Variants in ZNF442 observed in about 807,000 individuals in gnomAD.
ZNF442 encodes the protein zinc finger protein 442.
In ZNF442, 45 loss-of-function variants were observed where a neutral mutation model predicts 57.0. That is an observed-to-expected ratio of 0.79 (90% confidence interval 0.62 to 1.01). The LOEUF is 1.01. ZNF442 is among the 50% of genes least tolerant of loss of function. ZNF442 has a pLI of 0.00. For missense variants in ZNF442, 690 were observed against 756.5 expected (o/e 0.91, Z 1.03); for synonymous variants, 213 against 241.8 (o/e 0.88, Z 1.10).
chr19:12,364,471 A>G (rs1372306812), intron 2 of ZNF442, among the ~76,000 whole-genome samples: 1 of 152,004 alleles, frequency 6.6e-6, no homozygotes, highest in African/African-American at 2.4e-5. Context: ...AACAAAATGA[A>G]AATTAAAATA....
chr19:12,359,851 G>A lies in ZNF442; in HGVS notation c.78+3703C>T, dbSNP rs756959013. On this transcript the variant is annotated intron_variant, in intron 3 of 5. Transcript: ENST00000242804. ...AAATTAGCCGGGCGTAGTGGCATGCGCCTGTAGTCTCAGCTACTCGGGAGG... is the reference window on the plus strand; with the variant it reads ...AAATTAGCCGGGCGTAGTGGCATGCACCTGTAGTCTCAGCTACTCGGGAGG... 2.6e-5 allele frequency among the ~76,000 whole-genome samples: 4 copies of A among 152,034 alleles called. No homozygotes were observed. The Middle Eastern group carries it at 0.01, about 388-fold the overall frequency.
In ZNF442 at chr19:12,349,916, T is replaced by G; in HGVS notation, c.1669A>C (p.Thr557Pro). The G allele has an allele frequency of 1.2e-6, 2 of 1,614,222 alleles. No individual in the cohort carries two copies. Among genetic ancestry groups the G allele is most frequent in the Non-Finnish European group, 8.5e-7 (1 of 1,180,026 alleles). ...KECRKAFSWLTCLLRHERIHT... is the reference protein window; with the variant it reads ...KECRKAFSWLPCLLRHERIHT... ...ATTCTTTCATGTCGCAGAAGGCAAG[T>G]GAGCCAAGAGAATGCTTTCCTGCAT... Residue 557 changes from threonine to proline, a missense_variant, in exon 6 of 6, where the codon ACT (threonine) becomes CCT (proline). Coordinates refer to ENST00000242804, the MANE Select transcript of ZNF442 (RefSeq NM_030824.3).
chr19:12,349,999 C>A lies in ZNF442; in HGVS notation c.1586G>T (p.Gly529Val). 1 of 1,613,830 alleles carries A rather than the reference C, an allele frequency of 6.2e-7. No homozygotes were observed. Among genetic ancestry groups the A allele is most frequent in the Non-Finnish European group, 8.5e-7 (1 of 1,179,960 alleles). ...AATCCTTTCATGGACTTTTAAGTTA[C>A]CAAAATGACTGAAGGCTTTCTTACA... ...KTCKKAFSHF[G>V]NLKVHERIHT... The change falls in exon 6 of 6, where the codon GGT becomes GTT. Residue 529 changes from glycine (G) to valine (V), a missense_variant. Physicochemically the swap from Gly to Val is moderately radical, Grantham distance 109 (BLOSUM62 -3). Coordinates refer to ENST00000242804, the MANE Select transcript of ZNF442 (RefSeq NM_030824.3).
rs1969304104 is a variant in ZNF442 at position 12,355,074 on chromosome 19, G to A, written c.79-1960C>T. 2.6e-5 allele frequency among the ~76,000 whole-genome samples: 4 copies of A among 151,958 alleles called. No individual in the cohort carries two copies. In the East Asian group the frequency reaches 5.9e-4, roughly 22 times the overall value. ...TGGAAGGTTGAGGCAGGCAGATCAC[G>A]AGGTCAGGAGATCGAGACCATCCTG... On this transcript the variant is annotated intron_variant, in intron 3 of 5. Transcript: ENST00000242804.
intron 3 of ZNF442, among the ~76,000 whole-genome samples, chr19:12,355,037 A>T (rs1402277148): frequency 1.3e-5 from 2 of 152,098 alleles, no homozygotes; most frequent in Non-Finnish European, 2.9e-5. Flanking sequence ...CACGCCTGTA[A>T]TCCTAGCACT....
At chr19:12,368,332 A>G (rs1420640851), upstream of ZNF442, among the ~76,000 whole-genome samples, 1 of 152,232 alleles carries the variant, frequency 6.6e-6, no homozygotes, top group African/African-American at 2.4e-5. Flanking sequence ...TTTGGGAACT[A>G]ATAAATGTCC....
chr19:12,362,496 C>T (rs1375288044), intron 3 of ZNF442, among the ~76,000 whole-genome samples: 1 of 151,704 alleles, frequency 6.6e-6, no homozygotes, highest in African/African-American at 2.4e-5. Flanking sequence ...GCCGCCCCGT[C>T]TGGGAAGTGA....
At chr19:12,352,900 T>A in intron 4 of ZNF442, 88 bp downstream of exon 4, 1 of 1,503,650 alleles carries the variant, frequency 6.7e-7, no homozygotes, top group Non-Finnish European at 9.0e-7. Context: ...CTATATCCCC[T>A]TTCGGTATTT....
upstream of ZNF442, among the ~76,000 whole-genome samples, chr19:12,369,169 AG>A (rs1262586799): frequency 6.6e-6 from 1 of 151,880 alleles, no homozygotes; most frequent in African/African-American, 2.4e-5. Context: ...AAGGGGTCAG[AG>A]TCAGCTCTTG....
Position 12,346,268 on chromosome 19 carries a change from A to C in ZNF442, c.*3433T>G, listed in dbSNP as rs1055594249. 4.6e-5 allele frequency: 7 copies of C among 152,216 alleles called. No homozygotes were observed. Among genetic ancestry groups the C allele is most frequent in the African/African-American group, 1.4e-4 (6 of 41,468 alleles). 9.4% of individuals were successfully genotyped at this position (152,216 alleles called of 1,614,324 possible). A position where few individuals can be genotyped will look rare whatever the true frequency, so the allele number is the denominator to read the frequency against. On this transcript the variant is annotated 3_prime_UTR_variant, in exon 6 of 6. Coordinates refer to ENST00000242804, the MANE Select transcript of ZNF442 (RefSeq NM_030824.3). ...TCAACAACAAAACACAAATGACTCA[A>C]TTTTAATGAGCAAAGGATTTTAAAA...
At position 12,350,110 on chromosome 19, in the gene ZNF442, T is replaced by C; in HGVS notation, c.1475A>G (p.Glu492Gly). The C allele has an allele frequency of 6.2e-7, 1 of 1,614,026 alleles. No individual in the cohort carries two copies. Among genetic ancestry groups the C allele is most frequent in the Non-Finnish European group, 8.5e-7 (1 of 1,179,962 alleles). ...HTGEKPYECK[E>G]CGKAFSCFTY... ...GAAACAACTGAATGCTTTCCCACAT[T>C]CCTTACACTCATATGGCTTCTCTCC... Residue 492 changes from glutamate (E) to glycine (G), a missense_variant, in exon 6 of 6, where the codon GAA becomes GGA. By Grantham distance (98) the Glu-to-Gly change is moderately conservative (BLOSUM62 -2). Transcript: ENST00000242804.
At chr19:12,359,531 C>A (rs1250810813) in intron 3 of ZNF442, among the ~76,000 whole-genome samples, 1 of 152,100 alleles carries the variant, frequency 6.6e-6, no homozygotes, top group East Asian at 1.9e-4. Flanking sequence ...TCATACTGAA[C>A]AAAATACATC....
chr19:12,371,541 TG>T, the ZNF442 span, among the ~76,000 whole-genome samples: 1 of 152,364 alleles, frequency 6.6e-6, no homozygotes, highest in African/African-American at 2.4e-5. Flanking sequence ...AGTTCATTAC[TG>T]TGTTGATTTA....
chr19:12,352,641 T>C (rs1161543142), intron 4 of ZNF442, among the ~76,000 whole-genome samples: 2 of 152,236 alleles, frequency 1.3e-5, no homozygotes, highest in Non-Finnish European at 2.9e-5. Context: ...CATTTCAACT[T>C]AATGCACAGT....
intron 5 of ZNF442, 86 bp downstream of exon 5, chr19:12,351,924 C>T (rs1969244959): frequency 8.0e-7 from 1 of 1,257,428 alleles, no homozygotes; most frequent in African/African-American, 1.5e-5. Context: ...TGGGCTCGTT[C>T]ATTTTCTTTG....
intron 3 of ZNF442, 44 bp downstream of exon 3, chr19:12,363,510 G>A (rs1383508798): frequency 1.3e-6 from 2 of 1,589,694 alleles, no homozygotes; most frequent in Non-Finnish European, 1.7e-6. Context: ...ACCTGAATGG[G>A]AGGTTCTTGC....
chr19:12,363,647 G>A lies in ZNF442; in HGVS notation c.-16C>T, dbSNP rs200533357. ...ATACAATCATTCAACTGGCTGACCA[G>A]CCGTGTGTCCCCAAGGAATGGAAAC... On this transcript the variant is annotated 5_prime_UTR_variant, in exon 3 of 6. Coordinates refer to ENST00000242804, the MANE Select transcript of ZNF442 (RefSeq NM_030824.3). 374 of 1,612,694 alleles carry A rather than the reference G, an allele frequency of 2.3e-4. 3 individuals carry two copies. The Middle Eastern group carries it at 2.6e-3, about 11-fold the overall frequency.
intron 2 of ZNF442, among the ~76,000 whole-genome samples, chr19:12,364,100 A>C (rs564367293): frequency 1.3e-4 from 20 of 152,294 alleles, no homozygotes; most frequent in African/African-American, 4.8e-4. Flanking sequence ...TGAAATGTTC[A>C]GGAACACAAA....
rs1277812628 is a variant in ZNF442 at position 12,351,405 on chromosome 19, T to A, written c.267-87A>T. ...TAGGTACTGGATTTACATTTTTACA[T>A]CATCATGCAACGTGTAGGCTTCATG... is the stretch of plus-strand genomic sequence containing the variant. On this transcript the variant is annotated intron_variant, in intron 5 of 5. Coordinates refer to ENST00000242804, the MANE Select transcript of ZNF442 (RefSeq NM_030824.3). 3.2e-6 allele frequency: 4 copies of A among 1,261,618 alleles called. No homozygotes were observed. In the East Asian group the frequency reaches 1.0e-4, roughly 32 times the overall value. The allele number at this position is 1,261,618 out of a possible 1,614,324, so 78.2% of individuals were successfully genotyped here. A position where few individuals can be genotyped will look rare whatever the true frequency, so the allele number is the denominator to read the frequency against.
Sources: allele counts gnomAD v4.1 joint callset (sites outside exome capture counted in the v4.1 genomes callset), GRCh38; gene constraint gnomAD v4.1.1; transcripts MANE v1.5; gene names NCBI Gene and HGNC (gene_info 2026-07-23, HGNC 2026-07-21).